Variants in NGLY1 observed in about 807,000 individuals in gnomAD.
NGLY1 encodes the protein N-glycanase 1, also known as peptide-N(4)-(N-acetyl-beta-glucosaminyl)asparagine amidase.
NGLY1 carries 68 observed loss-of-function variants against 84.6 expected under a neutral mutation model. The observed-to-expected ratio is 0.80, with a 90% CI of 0.66 to 0.98. The LOEUF (loss-of-function observed/expected upper bound fraction) is 0.98, where lower values mean the gene tolerates loss of function less well. Among genes scored for constraint, NGLY1 ranks in the 50% least tolerant of loss-of-function variants. The probability of loss-of-function intolerance (pLI) is 0.00; values close to 1 mark genes in which losing one functional copy is unlikely to be tolerated. For missense variants in NGLY1, 779 were observed against 770.2 expected (o/e 1.01, Z -0.14); for synonymous variants, 280 against 275.2 (o/e 1.02, Z -0.17).
chr3:25,772,246 T>C (rs1051763343), intron 2 of NGLY1, among the ~76,000 whole-genome samples: 10 of 152,356 alleles, frequency 6.6e-5, no homozygotes, highest in Admixed American at 3.3e-4. Flanking sequence ...TCAGTGAGTA[T>C]TGAAGTCTCC....
upstream of NGLY1, among the ~76,000 whole-genome samples, chr3:25,784,823 T>G (rs1708566360): frequency 6.6e-6 from 1 of 152,210 alleles, no homozygotes; most frequent in African/African-American, 2.4e-5. Context: ...AGTAGTATGT[T>G]ACTACCGTCT....
chr3:25,743,977 G>C (rs886350049), intron 4 of NGLY1, among the ~76,000 whole-genome samples: 13 of 152,160 alleles, frequency 8.5e-5, no homozygotes, highest in Non-Finnish European at 1.6e-4. Flanking sequence ...GCCTGATTTA[G>C]ATGCTAAATT....
chr3:25,763,578 A>G (rs767626424), intron 3 of NGLY1, among the ~76,000 whole-genome samples: 19 of 152,250 alleles, frequency 1.2e-4, no homozygotes, highest in South Asian at 2.1e-4. Context: ...TAGGAGAAGA[A>G]TATGTAAGGA....
intron 10 of NGLY1, among the ~76,000 whole-genome samples, chr3:25,728,113 C>T (rs1434684400): frequency 6.6e-6 from 1 of 151,898 alleles, no homozygotes; most frequent in African/African-American, 2.4e-5. Context: ...ACAAAAATAC[C>T]TCAACTTTTT....
chr3:25,725,877 A>G (rs977022319), intron 10 of NGLY1, among the ~76,000 whole-genome samples: 1 of 152,190 alleles, frequency 6.6e-6, no homozygotes, highest in Non-Finnish European at 1.5e-5. Flanking sequence ...ATAAACAAAC[A>G]CATACTCTTC....
intron 10 of NGLY1, among the ~76,000 whole-genome samples, chr3:25,721,754 A>G (rs1324091429): frequency 2.0e-5 from 3 of 149,094 alleles, no homozygotes; most frequent in South Asian, 2.1e-4. Flanking sequence ...ATCTCAAAAA[A>G]AAAAAAAAAA....
At chr3:25,739,337 G>T (rs1706007695) in intron 5 of NGLY1, among the ~76,000 whole-genome samples, 1 of 152,110 alleles carries the variant, frequency 6.6e-6, no homozygotes, top group Non-Finnish European at 1.5e-5. Context: ...ATTCAACTCT[G>T]CTTGTTGCAG....
chr3:25,768,706 C>G (rs1011694952), intron 2 of NGLY1, among the ~76,000 whole-genome samples: 1 of 151,538 alleles, frequency 6.6e-6, no homozygotes, highest in Admixed American at 6.6e-5. Flanking sequence ...CCACCACGCC[C>G]GGCTAATTTT....
At chr3:25,779,144 C>T (rs1017528225) in intron 1 of NGLY1, among the ~76,000 whole-genome samples, 7 of 151,934 alleles carry the variant, frequency 4.6e-5, no homozygotes, top group Non-Finnish European at 8.8e-5. Flanking sequence ...ACCATGTCGA[C>T]CAGGCTGGTC....
intron 2 of NGLY1, among the ~76,000 whole-genome samples, chr3:25,775,016 T>C (rs1708089317): frequency 6.6e-6 from 1 of 152,210 alleles, no homozygotes; most frequent in South Asian, 2.1e-4. Context: ...GCTCTCTAAA[T>C]TAATTTCAGC....
chr3:25,775,261 A>G (rs1165523289), intron 2 of NGLY1, among the ~76,000 whole-genome samples: 7 of 152,214 alleles, frequency 4.6e-5, no homozygotes, highest in African/African-American at 7.2e-5. Flanking sequence ...TGTCAGTCCA[A>G]TTGGGAGCTG....
chr3:25,752,832 A>C (rs1283182562), intron 3 of NGLY1, among the ~76,000 whole-genome samples: 3 of 151,412 alleles, frequency 2.0e-5, no homozygotes, highest in Non-Finnish European at 4.4e-5. Context: ...ATATAAAATA[A>C]ATAATATAAA....
At chr3:25,786,989 A>T (rs550024999), upstream of NGLY1, among the ~76,000 whole-genome samples, 3 of 152,244 alleles carry the variant, frequency 2.0e-5, no homozygotes, top group Admixed American at 6.5e-5. Context: ...CATAGAAGTC[A>T]TAAGTTTAGA....
At chr3:25,742,434 G>A (rs756519770) in intron 4 of NGLY1, among the ~76,000 whole-genome samples, 26 of 152,214 alleles carry the variant, frequency 1.7e-4, no homozygotes, top group Non-Finnish European at 2.6e-4. Flanking sequence ...GAATATATAT[G>A]AGATGATAAA....
chr3:25,787,709 G>A (rs1708635273), upstream of NGLY1, among the ~76,000 whole-genome samples: 1 of 152,198 alleles, frequency 6.6e-6, no homozygotes, highest in Non-Finnish European at 1.5e-5. Flanking sequence ...GCTAGCATAT[G>A]GTCTCTGAAC....
chr3:25,755,240 A>C, intron 3 of NGLY1: 1 of 1,371,016 alleles, frequency 7.3e-7, no homozygotes, highest in Non-Finnish European at 1.0e-6. Context: ...TTTGCCACTG[A>C]TTAAGCCATA....
rs2125441056 is a variant in NGLY1 at position 25,719,384 on chromosome 3, C to A, written c.*76G>T. The A allele has an allele frequency of 7.8e-7, 1 of 1,274,210 alleles. No individual in the cohort carries two copies. Among genetic ancestry groups the A allele is most frequent in the Admixed American group, 2.0e-5 (1 of 51,148 alleles). The allele number at this position is 1,274,210 out of a possible 1,614,324, so 78.9% of individuals were successfully genotyped here. On this transcript the variant is annotated 3_prime_UTR_variant, in exon 12 of 12. Coordinates refer to ENST00000280700, the MANE Select transcript of NGLY1 (RefSeq NM_018297.4). ...GCTAGCACAGGGTGGTAACTGCCAA[C>A]TAAGCATGCACTGAACCAACAGACT...
chr3:25,783,331 G>C lies in NGLY1; in HGVS notation c.60C>G (p.Leu20=). 1 of 1,593,886 alleles carries C rather than the reference G, an allele frequency of 6.3e-7. No homozygotes were observed. The highest frequency in any genetic ancestry group is 2.3e-5 in the East Asian group (1 of 43,478). ...SGSASPAVAE[L]CQNTPETFLE... ...AAAAGGTCTCCGGGGTGTTCTGGCA[G>C]AGCTCAGCCACGGCCGGGGACGCCG... is the stretch of plus-strand genomic sequence containing the variant. Residue 20 remains leucine (L), a synonymous_variant, in exon 1 of 12, where the codon CTC becomes CTG. Coordinates refer to ENST00000280700, the MANE Select transcript of NGLY1 (RefSeq NM_018297.4). This position sits in a 1 kb window ranked among gnomAD's most constrained non-coding sequence, Gnocchi z 4.5.
chr3:25,720,982 C>T (rs1704959939), intron 10 of NGLY1, among the ~76,000 whole-genome samples: 1 of 152,100 alleles, frequency 6.6e-6, no homozygotes, highest in South Asian at 2.1e-4. Context: ...TGGAAAGAAA[C>T]CCCTTCCTCA....
Sources: allele counts gnomAD v4.1 joint callset (sites outside exome capture counted in the v4.1 genomes callset), GRCh38; gene constraint gnomAD v4.1.1; non-coding constraint Gnocchi (gnomAD v3.1); transcripts MANE v1.5; gene names NCBI Gene and HGNC (gene_info 2026-07-23, HGNC 2026-07-21).